Variants in KAZN observed in about 807,000 individuals in gnomAD.
The protein encoded by KAZN is kazrin.
Under a neutral mutation model 87.4 loss-of-function variants are expected in KAZN, and 40 were observed. The observed-to-expected ratio is 0.46, with a 90% confidence interval of 0.36 to 0.60. The LOEUF (loss-of-function observed/expected upper bound fraction) is 0.60, where lower values mean the gene tolerates loss of function less well. Among genes scored for constraint, KAZN ranks in the 20% least tolerant of loss-of-function variants. The pLI, the probability that KAZN is intolerant of heterozygous loss-of-function variation, is 0.00. For missense variants in KAZN, 898 were observed against 1,073.9 expected (o/e 0.84, Z 2.29); for synonymous variants, 466 against 458.3 (o/e 1.02, Z -0.22).
intron 2 of KAZN, among the ~76,000 whole-genome samples, chr1:14,190,341 T>C (rs1421912464): frequency 6.6e-6 from 1 of 152,164 alleles, no homozygotes; most frequent in Admixed American, 6.5e-5. Context: ...TTATCTCATT[T>C]AATACCCCCG....
chr1:14,646,654 T>C (rs1026354265), intron 1 of KAZN, among the ~76,000 whole-genome samples: 2 of 152,238 alleles, frequency 1.3e-5, no homozygotes, highest in East Asian at 1.9e-4. Context: ...ACCCACCAGA[T>C]GTCAGCAGTG....
intron 2 of KAZN, among the ~76,000 whole-genome samples, chr1:14,371,367 A>G (rs1290670018): frequency 6.6e-6 from 1 of 152,152 alleles, no homozygotes; most frequent in Non-Finnish European, 1.5e-5. Flanking sequence ...CCTCTTGCAA[A>G]AGTATTTCAC....
intron 2 of KAZN, among the ~76,000 whole-genome samples, chr1:14,385,148 G>A (rs918324809): frequency 2.0e-5 from 3 of 151,996 alleles, no homozygotes; most frequent in African/African-American, 7.2e-5. Flanking sequence ...TATTTCTGTG[G>A]GATCAGTGGT....
In KAZN at chr1:14,213,328, C is replaced by T. The variant is rs189166842; in HGVS notation, c.249+32736C>T. ...CTAAGACTCCCTCTTCCTCCCATCC[C>T]CTCCGGCCTAAATAGGAAACTAGAA... On this transcript the variant is annotated intron_variant, in intron 2 of 16. Transcript: ENST00000636203. 3.9e-4 allele frequency among the ~76,000 whole-genome samples: 60 copies of T among 152,240 alleles called. No homozygotes were observed. In the East Asian group the frequency reaches 8.3e-3, roughly 21 times the overall value.
At chr1:14,015,150 A>G (rs1640502957) in intron 1 of KAZN, among the ~76,000 whole-genome samples, 1 of 152,184 alleles carries the variant, frequency 6.6e-6, no homozygotes, top group Non-Finnish European at 1.5e-5. Context: ...CCAACCTTTG[A>G]GAAAACGTAT....
chr1:14,966,944 C>T (rs1010299157), intron 2 of KAZN, among the ~76,000 whole-genome samples: 1 of 152,236 alleles, frequency 6.6e-6, no homozygotes, highest in African/African-American at 2.4e-5. Flanking sequence ...GCTGGGATTA[C>T]AGGCATGAGC....
intron 1 of KAZN, among the ~76,000 whole-genome samples, chr1:14,884,240 A>G (rs139380355): frequency 0.018 from 2,682 of 152,114 alleles, 94 homozygotes; most frequent in African/African-American, 0.061. Context: ...AAAAATACAA[A>G]AATTAGCTGG....
intron 2 of KAZN, among the ~76,000 whole-genome samples, chr1:15,010,721 A>G (rs555954226): frequency 2.6e-5 from 4 of 152,104 alleles, no homozygotes; most frequent in African/African-American, 9.6e-5. Flanking sequence ...GCAGCCCAGG[A>G]CCTGTGACAC....
At chr1:14,698,635 A>G (rs1641750923) in intron 1 of KAZN, among the ~76,000 whole-genome samples, 1 of 152,216 alleles carries the variant, frequency 6.6e-6, no homozygotes, top group African/African-American at 2.4e-5. Context: ...CATTGGTGAA[A>G]GCACTTAGCA....
At position 14,807,479 on chromosome 1, in the gene KAZN, A is replaced by T. The variant is rs562266669; in HGVS notation, c.227-153205A>T. 2.0e-5 allele frequency among the ~76,000 whole-genome samples: 3 copies of T among 152,284 alleles called. No homozygotes were observed. In the East Asian group the frequency reaches 5.8e-4, roughly 29 times the overall value. On this transcript the variant is annotated intron_variant, in intron 1 of 14. Transcript: ENST00000376030. ...AATATATTTATTACTGATAAAACTA[A>T]TCTTGAGGTCCATGCATGGTGGCTC... is the stretch of plus-strand genomic sequence containing the variant.
chr1:14,259,999 C>T (rs528626091), intron 2 of KAZN, among the ~76,000 whole-genome samples: 136 of 152,268 alleles, frequency 8.9e-4, no homozygotes, highest in Non-Finnish European at 1.7e-3. Context: ...GGGTTGTGGA[C>T]TCTTTTATTC....
intron 2 of KAZN, among the ~76,000 whole-genome samples, chr1:14,426,167 T>C (rs1665715618): frequency 6.6e-6 from 1 of 152,204 alleles, no homozygotes; most frequent in Non-Finnish European, 1.5e-5. Flanking sequence ...TCTCATTTCA[T>C]GGTTTTGCAT....
At position 14,351,765 on chromosome 1, in the gene KAZN, G is replaced by A. The variant is rs532460375; in HGVS notation, c.249+171173G>A. On this transcript the variant is annotated intron_variant, in intron 2 of 16. Coordinates refer to the KAZN transcript ENST00000636203. ...GAGCTCTACCCCACAGCAAACACTCGGACCAGCAGCTAGACCCCGTATGCA... is the reference window on the plus strand; with the variant it reads ...GAGCTCTACCCCACAGCAAACACTCAGACCAGCAGCTAGACCCCGTATGCA... 1.6e-4 allele frequency among the ~76,000 whole-genome samples: 25 copies of A among 152,212 alleles called. No homozygotes were observed. The South Asian group carries it at 4.8e-3, about 29-fold the overall frequency.
At chr1:14,681,635 AT>A (rs1640615940) in intron 1 of KAZN, among the ~76,000 whole-genome samples, 1 of 41,438 alleles carries the variant, frequency 2.4e-5, no homozygotes, top group Admixed American at 3.7e-4. Context: ...ATATATATAT[AT>A]ATATATATAT....
chr1:14,284,606 G>T (rs1044525883), intron 2 of KAZN, among the ~76,000 whole-genome samples: 1 of 152,166 alleles, frequency 6.6e-6, no homozygotes, highest in Non-Finnish European at 1.5e-5. Context: ...GAAACTGTTT[G>T]CAGGAAATGA....
At chr1:14,278,542 A>G (rs923014385) in intron 2 of KAZN, among the ~76,000 whole-genome samples, 15 of 152,106 alleles carry the variant, frequency 9.9e-5, no homozygotes, top group Non-Finnish European at 2.2e-4. Flanking sequence ...CACCTGCCTC[A>G]GCCTCCCAAA....
chr1:14,699,411 A>T (rs1300076766), intron 1 of KAZN, among the ~76,000 whole-genome samples: 1 of 152,222 alleles, frequency 6.6e-6, no homozygotes, highest in African/African-American at 2.4e-5. Context: ...CATTTCAACA[A>T]ATATGCATTG....
chr1:14,177,794 GT>G (rs34230840), intron 1 of KAZN, among the ~76,000 whole-genome samples: 43,149 of 139,688 alleles, frequency 0.31, 7,579 homozygotes, highest in African/African-American at 0.5. Context: ...GTGTGTGTGT[GT>G]TTTTTTTTTT....
intron 1 of KAZN, among the ~76,000 whole-genome samples, chr1:14,016,865 T>A (rs1640596450): frequency 6.6e-6 from 1 of 152,226 alleles, no homozygotes; most frequent in Non-Finnish European, 1.5e-5. Flanking sequence ...TATTAAAAAA[T>A]AAATGTGGTA....
Sources: allele counts gnomAD v4.1 joint callset (sites outside exome capture counted in the v4.1 genomes callset), GRCh38; gene constraint gnomAD v4.1.1; transcripts MANE v1.5; gene names NCBI Gene and HGNC (gene_info 2026-07-23, HGNC 2026-07-21).